KLF12: variants seen among roughly 807,000 people sequenced by gnomAD.
KLF12 encodes the protein KLF transcription factor 12.
Under a neutral mutation model 37.8 loss-of-function variants are expected in KLF12, and 9 were observed. That is an observed-to-expected ratio of 0.24 (90% CI 0.14 to 0.42). The LOEUF is 0.42. Ranked by LOEUF, KLF12 falls within the 10% of genes least tolerant of loss-of-function variation. The probability of loss-of-function intolerance (pLI) is 1.00; values close to 1 mark genes in which losing one functional copy is unlikely to be tolerated. For missense variants in KLF12, 411 were observed against 516.0 expected, an observed-to-expected ratio of 0.80 and a Z score of 1.97; for synonymous variants, 208 against 202.1, an observed-to-expected ratio of 1.03 and a Z score of -0.25.
intron 2 of KLF12, among the ~76,000 whole-genome samples, chr13:73,978,029 T>G (rs973102830): frequency 3.6e-5 from 5 of 138,242 alleles, no homozygotes; most frequent in Non-Finnish European, 6.0e-5. Context: ...AGAAAACAAC[T>G]TTAAGAGAAA....
intron 5 of KLF12, among the ~76,000 whole-genome samples, chr13:73,809,074 G>T (rs1566383378): frequency 6.6e-6 from 1 of 152,070 alleles, no homozygotes; most frequent in Non-Finnish European, 1.5e-5. Flanking sequence ...AGTTGACCAG[G>T]GTTTCTAAAA....
chr13:74,050,128 C>T (rs1872816127), intron 1 of KLF12, among the ~76,000 whole-genome samples: 1 of 151,872 alleles, frequency 6.6e-6, no homozygotes, highest in Non-Finnish European at 1.5e-5. Flanking sequence ...GAACAAGACA[C>T]TTCTACAAGA....
chr13:74,083,503 C>CAG (rs1409240725), intron 1 of KLF12, among the ~76,000 whole-genome samples: 1 of 141,210 alleles, frequency 7.1e-6, no homozygotes, highest in East Asian at 2.1e-4. Context: ...GACACACACA[C>CAG]ACACACACAC....
chr13:73,978,031 T>C (rs1891585014), intron 2 of KLF12, among the ~76,000 whole-genome samples: 1 of 151,940 alleles, frequency 6.6e-6, no homozygotes, highest in Non-Finnish European at 1.5e-5. Flanking sequence ...AAAACAACTT[T>C]AAGAGAAAAT....
intron 1 of KLF12, among the ~76,000 whole-genome samples, chr13:74,104,084 C>T (rs1876515599): frequency 6.6e-6 from 1 of 152,216 alleles, no homozygotes; most frequent in Non-Finnish European, 1.5e-5. Flanking sequence ...CACAAACACA[C>T]ATCCCATGCA....
upstream of KLF12, among the ~76,000 whole-genome samples, chr13:74,137,942 G>A (rs1385792619): frequency 6.6e-6 from 1 of 152,212 alleles, no homozygotes; most frequent in African/African-American, 2.4e-5. Flanking sequence ...TGTATTTTTA[G>A]TAGAGATGGG....
At chr13:74,015,562 A>T (rs34113262) in intron 1 of KLF12, among the ~76,000 whole-genome samples, 695 of 152,338 alleles carry the variant, frequency 4.6e-3, no homozygotes, top group Admixed American at 9.7e-3. Flanking sequence ...TAAATAATAA[A>T]AAGTCTTAAA....
intron 7 of KLF12, among the ~76,000 whole-genome samples, chr13:73,696,931 A>C (rs1874189799): frequency 6.6e-6 from 1 of 152,148 alleles, no homozygotes; most frequent in Non-Finnish European, 1.5e-5. Context: ...CTATGACATC[A>C]CCTATCACAA....
chr13:74,303,507 A>G, the KLF12 span, among the ~76,000 whole-genome samples: 2 of 152,184 alleles, frequency 1.3e-5, no homozygotes, highest in African/African-American at 4.8e-5. Flanking sequence ...TGGGTAGGGT[A>G]AAGAACTAAA....
intron 4 of KLF12, among the ~76,000 whole-genome samples, chr13:73,824,625 G>T (rs1227250662): frequency 6.6e-6 from 1 of 151,968 alleles, no homozygotes; most frequent in Non-Finnish European, 1.5e-5. Flanking sequence ...GGACGTATTT[G>T]TTCATGTCCT....
chr13:73,823,729 A>T (rs200728886), intron 4 of KLF12, among the ~76,000 whole-genome samples: 1 of 89,242 alleles, frequency 1.1e-5, no homozygotes, highest in Admixed American at 1.1e-4. Context: ...CTTTTTTTTG[A>T]GAGAGAGTTT....
At chr13:73,965,293 C>T (rs996882498) in intron 2 of KLF12, among the ~76,000 whole-genome samples, 9 of 152,064 alleles carry the variant, frequency 5.9e-5, no homozygotes, top group Admixed American at 1.3e-4. Context: ...ATATTTCAGA[C>T]GAATAATACA....
intron 1 of KLF12, among the ~76,000 whole-genome samples, chr13:74,122,035 T>C (rs1340728155): frequency 6.6e-6 from 1 of 152,066 alleles, no homozygotes; most frequent in Non-Finnish European, 1.5e-5. Flanking sequence ...ATTACATGCC[T>C]ACTTTATCAA....
intron 4 of KLF12, among the ~76,000 whole-genome samples, chr13:73,831,607 T>G (rs1414433124): frequency 6.6e-6 from 1 of 152,198 alleles, no homozygotes; most frequent in Non-Finnish European, 1.5e-5. Context: ...TTAGCCTGTT[T>G]GCTCCCATCC....
chr13:74,019,183 G>C (rs907664936), intron 1 of KLF12, among the ~76,000 whole-genome samples: 20 of 152,146 alleles, frequency 1.3e-4, no homozygotes, highest in Admixed American at 1.3e-4. Flanking sequence ...AAATCAAAAT[G>C]TTAACTTATT....
In KLF12 at chr13:73,966,003, C is replaced by T. The variant is rs567516330; in HGVS notation, c.34-21933G>A. ...AAAATGCATGTACCTTTCAATCTAG[C>T]AATTGTTAACTCTTGGAATTTATCC... On this transcript the variant is annotated intron_variant, in intron 2 of 7. Coordinates refer to ENST00000377669, the MANE Select transcript of KLF12 (RefSeq NM_007249.5). 3.9e-3 allele frequency among the ~76,000 whole-genome samples: 588 copies of T among 152,290 alleles called. 2 individuals carry two copies. Among genetic ancestry groups the T allele is most frequent in the Non-Finnish European group, 7.2e-3 (489 of 68,030 alleles).
chr13:73,910,861 C>T (rs1245260400), intron 3 of KLF12, among the ~76,000 whole-genome samples: 1 of 152,024 alleles, frequency 6.6e-6, no homozygotes, highest in Admixed American at 6.5e-5. Context: ...AATGGGTTAT[C>T]ATGGAAGTGA....
At chr13:73,758,465 ATTAG>A (rs1879331787) in intron 6 of KLF12, among the ~76,000 whole-genome samples, 1 of 152,162 alleles carries the variant, frequency 6.6e-6, no homozygotes, top group Admixed American at 6.6e-5. Flanking sequence ...TCATGCTGTA[ATTAG>A]TTAGTATGAC....
At position 73,853,611 on chromosome 13, in the gene KLF12, C is replaced by T. The variant is rs190548932; in HGVS notation, c.124-7238G>A. Among the ~76,000 whole-genome samples the T allele has an allele frequency of 5.3e-4, 81 of 151,952 alleles. 1 individual carries two copies. The highest frequency in any genetic ancestry group is 3.4e-3 in the Middle Eastern group (1 of 294). ...AAAATTAGCAGAGTGTGGTGGTGGG[C>T]GCCTGTAATCCCAGCTACTAGGGAA... On this transcript the variant is annotated intron_variant, in intron 3 of 7. Coordinates refer to ENST00000377669, the MANE Select transcript of KLF12 (RefSeq NM_007249.5).
Sources: allele counts gnomAD v4.1 joint callset (sites outside exome capture counted in the v4.1 genomes callset), GRCh38; gene constraint gnomAD v4.1.1; transcripts MANE v1.5; gene names NCBI Gene and HGNC (gene_info 2026-07-23, HGNC 2026-07-21).